The following TNFSF11 variants were observed in gnomAD, a reference collection of about 807,000 sequenced individuals.
TNFSF11 encodes the protein TNF superfamily member 11.
In TNFSF11, 12 loss-of-function variants were observed where a neutral mutation model predicts 32.2. The ratio of observed to expected loss-of-function variants is 0.37; its 90% CI spans 0.24 to 0.60. The LOEUF (loss-of-function observed/expected upper bound fraction) is 0.60, where lower values mean the gene tolerates loss of function less well. Ranked by LOEUF, TNFSF11 falls within the 20% of genes least tolerant of loss-of-function variation. The pLI, the probability that TNFSF11 is intolerant of heterozygous loss-of-function variation, is 0.66. For synonymous variants in TNFSF11, 172 were observed against 152.1 expected, an observed-to-expected ratio of 1.13 and a Z score of -0.96; for missense variants, 345 against 398.0, an observed-to-expected ratio of 0.87 and a Z score of 1.13.
chr13:42,568,819 C>T (rs569120039), intron 2 of TNFSF11, among the ~76,000 whole-genome samples: 1 of 152,304 alleles, frequency 6.6e-6, no homozygotes, highest in African/African-American at 2.4e-5. Flanking sequence ...TATGATTATA[C>T]ACATTTTAAA....
In TNFSF11 at chr13:42,574,254, G is replaced by C; in HGVS notation, c.-50G>C. On this transcript the variant is annotated 5_prime_UTR_variant, in exon 1 of 5. Transcript: ENST00000398795. ...CCGGAGTTGGCCGCAGACAAGAAGG[G>C]GAGGGAGCGGGAGAGGGAGGAGAGC... 1.3e-6 allele frequency: 2 copies of C among 1,540,010 alleles called. No individual in the cohort carries two copies. The highest frequency in any genetic ancestry group is 1.8e-6 in the Non-Finnish European group (2 of 1,141,006).
At chr13:42,574,096 T>A, upstream of TNFSF11, 1 of 606,686 alleles carries the variant, frequency 1.6e-6, no homozygotes, top group South Asian at 2.0e-5. Flanking sequence ...GCTGATTGGC[T>A]CCCGAGGCCA....
At chr13:42,571,418 G>C (rs1349571613), upstream of TNFSF11, among the ~76,000 whole-genome samples, 1 of 151,966 alleles carries the variant, frequency 6.6e-6, no homozygotes, top group Non-Finnish European at 1.5e-5. Flanking sequence ...TCCCAGGCTG[G>C]AGTGCAGTGG....
Position 42,607,363 on chromosome 13 carries a change from G to A in TNFSF11, c.*445G>A, listed in dbSNP as rs1187085041. The A allele has an allele frequency of 6.5e-6, 1 of 155,022 alleles. No individual in the cohort carries two copies. The highest frequency in any genetic ancestry group is 1.4e-5 in the Non-Finnish European group (1 of 69,618). 9.6% of individuals were successfully genotyped at this position (155,022 alleles called of 1,614,324 possible). Reference sequence around the variant, plus strand: ...CAAAAAATACTTTTTCTAATGAGGAGAGAAAATATATGTATTTTTATATAA... The same window carrying A: ...CAAAAAATACTTTTTCTAATGAGGAAAGAAAATATATGTATTTTTATATAA... On this transcript the variant is annotated 3_prime_UTR_variant, in exon 5 of 5. Coordinates refer to ENST00000398795, the MANE Select transcript of TNFSF11 (RefSeq NM_003701.4).
chr13:42,599,372 C>CTATCTATCTATCTATCTATCTATT (rs1555310750), intron 2 of TNFSF11, among the ~76,000 whole-genome samples: 23 of 151,068 alleles, frequency 1.5e-4, no homozygotes, highest in Non-Finnish European at 2.8e-4. Flanking sequence ...ATCTATCTAT[C>CTATCTATCTATCTATCTATCTATT]TATCTATCTA....
chr13:42,589,159 C>T (rs9566989), intron 2 of TNFSF11, among the ~76,000 whole-genome samples: 119,525 of 152,088 alleles, frequency 0.79, 47,250 homozygotes, highest in South Asian at 0.88. Context: ...GTGGCTGCTT[C>T]TCATTTGATC....
rs968775919 is a variant in TNFSF11 at position 42,584,012 on chromosome 13, A to T, written c.387+2719A>T. The stretch of plus-strand genomic sequence containing the variant: ...TCCTTATTTCAAATAACTAGAAAAC[A>T]TGAGTGAAAGATTTCACTCATAATT... On this transcript the variant is annotated intron_variant, in intron 2 of 4. Coordinates refer to ENST00000398795, the MANE Select transcript of TNFSF11 (RefSeq NM_003701.4). Among the ~76,000 whole-genome samples the T allele has an allele frequency of 2.0e-4, 30 of 152,214 alleles. 1 individual carries two copies. Among genetic ancestry groups the T allele is most frequent in the Non-Finnish European group, 5.9e-5 (4 of 68,032 alleles).
chr13:42,578,433 T>G (rs555343810), intron 1 of TNFSF11, among the ~76,000 whole-genome samples: 23 of 152,346 alleles, frequency 1.5e-4, no homozygotes, highest in Admixed American at 1.3e-3. Flanking sequence ...GTCTCCATTT[T>G]CAGGAAAGGA....
intron 2 of TNFSF11, among the ~76,000 whole-genome samples, chr13:42,590,632 G>A (rs577379127): frequency 2.0e-5 from 3 of 152,178 alleles, no homozygotes; most frequent in African/African-American, 7.2e-5. Context: ...ATGGTAAATA[G>A]CACAATTAGC....
At chr13:42,587,533 T>C (rs1431030748) in intron 2 of TNFSF11, among the ~76,000 whole-genome samples, 2 of 152,200 alleles carry the variant, frequency 1.3e-5, no homozygotes, top group African/African-American at 2.4e-5. Flanking sequence ...TTTCAAAAGG[T>C]CAAAATACTT....
intron 1 of TNFSF11, among the ~76,000 whole-genome samples, chr13:42,563,388 C>G (rs7324200): frequency 6.6e-6 from 1 of 152,106 alleles, no homozygotes; most frequent in African/African-American, 2.4e-5. Flanking sequence ...TTAGGCTGGA[C>G]GGGGTGGCTC....
intron 1 of TNFSF11, among the ~76,000 whole-genome samples, chr13:42,580,349 G>T: frequency 6.6e-6 from 1 of 152,298 alleles, no homozygotes; most frequent in East Asian, 1.9e-4. Flanking sequence ...TACTCAATGG[G>T]TATATTTTGG....
upstream of TNFSF11, among the ~76,000 whole-genome samples, chr13:42,569,297 C>T (rs1469576275): frequency 6.6e-6 from 1 of 151,932 alleles, no homozygotes; most frequent in East Asian, 1.9e-4. Flanking sequence ...GCCTGTAATC[C>T]CAGCACTTTG....
chr13:42,569,973 T>G (rs1873004917), upstream of TNFSF11, among the ~76,000 whole-genome samples: 1 of 152,072 alleles, frequency 6.6e-6, no homozygotes, highest in Admixed American at 6.5e-5. Flanking sequence ...GTATTATGAA[T>G]TATTTATAAA....
chr13:42,563,544 T>C (rs1335255261), intron 1 of TNFSF11, among the ~76,000 whole-genome samples: 1 of 151,740 alleles, frequency 6.6e-6, no homozygotes, highest in East Asian at 1.9e-4. Flanking sequence ...ACACTTGTCA[T>C]CCCAGCTACT....
chr13:42,574,622 C>A (rs1873218436), intron 1 of TNFSF11, 100 bp downstream of exon 1: 1 of 1,383,354 alleles, frequency 7.2e-7, no homozygotes, highest in Non-Finnish European at 9.9e-7. Flanking sequence ...CCACCCAGAG[C>A]TTGCATATTC....
At chr13:42,605,421 A>G (rs1869402354) in intron 4 of TNFSF11, among the ~76,000 whole-genome samples, 1 of 152,230 alleles carries the variant, frequency 6.6e-6, no homozygotes, top group Non-Finnish European at 1.5e-5. Context: ...CTTTCCCACC[A>G]TTAGTTACCA....
chr13:42,586,629 T>C (rs1594468023), intron 2 of TNFSF11, among the ~76,000 whole-genome samples: 2 of 152,208 alleles, frequency 1.3e-5, no homozygotes, highest in East Asian at 1.9e-4. Flanking sequence ...TGGCTCCATA[T>C]ATGAGTTAAA....
chr13:42,568,529 G>A (rs1872947307), intron 2 of TNFSF11, among the ~76,000 whole-genome samples: 1 of 152,204 alleles, frequency 6.6e-6, no homozygotes, highest in African/African-American at 2.4e-5. Context: ...TAATTTGTTA[G>A]CTGAAGGGAA....
Sources: allele counts gnomAD v4.1 joint callset (sites outside exome capture counted in the v4.1 genomes callset), GRCh38; gene constraint gnomAD v4.1.1; transcripts MANE v1.5; gene names NCBI Gene and HGNC (gene_info 2026-07-23, HGNC 2026-07-21).